RASEF: variants seen among roughly 807,000 people sequenced by gnomAD.
The protein encoded by RASEF is RAS and EF-hand domain containing.
Under a neutral mutation model 90.1 loss-of-function variants are expected in RASEF, and 68 were observed. That is an observed-to-expected ratio of 0.75 (90% CI 0.62 to 0.92). The LOEUF is 0.92. RASEF is among the 40% of genes least tolerant of loss of function. RASEF has a pLI of 0.00. For synonymous variants in RASEF, 331 were observed against 345.2 expected (o/e 0.96, Z 0.46); for missense variants, 949 against 937.2 (o/e 1.01, Z -0.16).
chr9:83,136,836 G>A, the RASEF span, among the ~76,000 whole-genome samples: 2 of 151,790 alleles, frequency 1.3e-5, no homozygotes, highest in Middle Eastern at 3.2e-3. Flanking sequence ...CTCTTTATGG[G>A]TATAACATTT....
chr9:82,987,787 T>A (rs529586355), intron 16 of RASEF, among the ~76,000 whole-genome samples: 73 of 152,350 alleles, frequency 4.8e-4, no homozygotes, highest in South Asian at 1.2e-3. Context: ...TCATTTCCTT[T>A]AGGCCCCTCC....
chr9:83,116,169 C>G, the RASEF span, among the ~76,000 whole-genome samples: 1 of 152,086 alleles, frequency 6.6e-6, no homozygotes. Context: ...TCAAAAGATT[C>G]AAGATAATTT....
At chr9:82,996,366 G>T (rs1052153477) in intron 14 of RASEF, among the ~76,000 whole-genome samples, 2 of 152,160 alleles carry the variant, frequency 1.3e-5, no homozygotes, top group African/African-American at 4.8e-5. Context: ...GCTAAATGGG[G>T]TCAAAATCAT....
chr9:83,174,327 A>G, the RASEF span, among the ~76,000 whole-genome samples: 1 of 152,100 alleles, frequency 6.6e-6, no homozygotes, highest in Non-Finnish European at 1.5e-5. Flanking sequence ...TGAGTTAATC[A>G]TATATGATAT....
At chr9:83,216,793 C>A in the RASEF span, among the ~76,000 whole-genome samples, 1 of 152,034 alleles carries the variant, frequency 6.6e-6, no homozygotes, top group African/African-American at 2.4e-5. Flanking sequence ...GATAAATATA[C>A]CCTTTCCAAA....
At chr9:83,200,083 A>G in the RASEF span, among the ~76,000 whole-genome samples, 1 of 152,230 alleles carries the variant, frequency 6.6e-6, no homozygotes, top group Non-Finnish European at 1.5e-5. Context: ...ACACATATAC[A>G]TAAAATCCTT....
At chr9:83,114,357 C>T in the RASEF span, among the ~76,000 whole-genome samples, 1 of 152,256 alleles carries the variant, frequency 6.6e-6, no homozygotes, top group East Asian at 1.9e-4. Flanking sequence ...ATGTATGTCA[C>T]CTCAGGACCC....
chr9:83,206,444 C>G, the RASEF span, among the ~76,000 whole-genome samples: 2 of 152,202 alleles, frequency 1.3e-5, no homozygotes, highest in Non-Finnish European at 2.9e-5. Flanking sequence ...TGAATAGAAT[C>G]ATCATGCTCA....
At chr9:82,998,275 T>TCTTTAGTCACTGCAA in intron 13 of RASEF, 90 bp downstream of exon 13, 1 of 697,698 alleles carries the variant, frequency 1.4e-6, no homozygotes, top group Non-Finnish European at 2.6e-6. Flanking sequence ...GTTATAATTA[T>TCTTTAGTCACTGCAA]AGAATTTTGA....
chr9:83,164,522 A>G, the RASEF span, among the ~76,000 whole-genome samples: 1 of 150,502 alleles, frequency 6.6e-6, no homozygotes, highest in East Asian at 1.9e-4. Context: ...TGTATATTGC[A>G]ATGTCTAGAG....
the RASEF span, among the ~76,000 whole-genome samples, chr9:83,137,572 G>A: frequency 5.9e-5 from 9 of 152,168 alleles, no homozygotes; most frequent in Admixed American, 3.9e-4. Flanking sequence ...CTGGGAATAA[G>A]AAAAATAGAG....
At chr9:83,012,576 G>C in intron 4 of RASEF, 65 bp from the exon 5 acceptor site, 1 of 911,240 alleles carries the variant, frequency 1.1e-6, no homozygotes, top group East Asian at 2.9e-5. Context: ...TTAAGTTTAG[G>C]ACTATCCTTG....
At chr9:83,136,602 G>T in the RASEF span, among the ~76,000 whole-genome samples, 1 of 152,056 alleles carries the variant, frequency 6.6e-6, no homozygotes, top group Non-Finnish European at 1.5e-5. Context: ...CACTGGTATT[G>T]TATGGTATAA....
the RASEF span, among the ~76,000 whole-genome samples, chr9:83,198,833 T>G: frequency 8.6e-6 from 1 of 115,636 alleles, no homozygotes. Context: ...ATAAATAGAA[T>G]GGGGGGGAGG....
intron 1 of RASEF, among the ~76,000 whole-genome samples, chr9:83,049,692 TC>T (rs924241774): frequency 8.6e-5 from 7 of 80,988 alleles, no homozygotes; most frequent in Admixed American, 5.3e-4. Flanking sequence ...CCTTCCCCCC[TC>T]CCCCGACCCC....
At chr9:83,034,176 G>T (rs1056395550) in intron 1 of RASEF, among the ~76,000 whole-genome samples, 2 of 152,114 alleles carry the variant, frequency 1.3e-5, no homozygotes, top group African/African-American at 4.8e-5. Context: ...AGTTGCTTAC[G>T]ACTGGCTGTG....
At chr9:83,045,907 T>A (rs1736543510) in intron 1 of RASEF, among the ~76,000 whole-genome samples, 2 of 152,148 alleles carry the variant, frequency 1.3e-5, no homozygotes, top group African/African-American at 4.8e-5. Context: ...GTTGTACTGT[T>A]AGCACAGACT....
At position 83,062,946 on chromosome 9, in the gene RASEF, G is replaced by A. The variant is rs1830244304; in HGVS notation, c.-79C>T. ...CCTCCCTGGAAGGACGGGGCCACCT[G>A]CTGCCGCCGGGAGGCCCGGCGAGTT... On this transcript the variant is annotated 5_prime_UTR_variant, in exon 1 of 17. Coordinates refer to ENST00000376447, the MANE Select transcript of RASEF (RefSeq NM_152573.4). 1.5e-6 allele frequency: 2 copies of A among 1,332,600 alleles called. No individual in the cohort carries two copies. Among genetic ancestry groups the A allele is most frequent in the Non-Finnish European group, 1.9e-6 (2 of 1,039,216 alleles). 82.5% of individuals were successfully genotyped at this position (1,332,600 alleles called of 1,614,324 possible). A position where few individuals can be genotyped will look rare whatever the true frequency, so the allele number is the denominator to read the frequency against.
At chr9:83,121,047 T>A in the RASEF span, among the ~76,000 whole-genome samples, 1 of 152,218 alleles carries the variant, frequency 6.6e-6, no homozygotes, top group African/African-American at 2.4e-5. Flanking sequence ...TTACAGTTGC[T>A]TTGGAGCAGA....
Sources: gnomAD v4.1 joint callset for allele counts (sites outside exome capture counted in the v4.1 genomes callset) on GRCh38, gnomAD v4.1.1 for gene constraint, MANE v1.5 for transcripts, NCBI Gene and HGNC (gene_info 2026-07-23, HGNC 2026-07-21) for gene names.